The following SNTG2 variants were observed in gnomAD, a reference collection of about 807,000 sequenced individuals.
The protein encoded by SNTG2 is gamma-2-syntrophin.
Under a neutral mutation model 70.9 loss-of-function variants are expected in SNTG2, and 74 were observed. The ratio of observed to expected loss-of-function variants is 1.04; its 90% CI spans 0.86 to 1.27. The LOEUF is 1.27. SNTG2 is among the 50% of genes most tolerant of loss of function. The pLI is 0.00. For missense variants in SNTG2, 717 were observed against 690.7 expected (o/e 1.04, Z -0.43); for synonymous variants, 278 against 273.8 (o/e 1.02, Z -0.15).
chr2:1,018,442 T>C (rs920163577), intron 1 of SNTG2, among the ~76,000 whole-genome samples: 2 of 152,164 alleles, frequency 1.3e-5, no homozygotes, highest in African/African-American at 4.8e-5. Context: ...GAATCCCTGC[T>C]TTAGTGTTCA....
intron 1 of SNTG2, among the ~76,000 whole-genome samples, chr2:965,629 G>A (rs1572171531): frequency 6.6e-6 from 1 of 152,056 alleles, no homozygotes; most frequent in East Asian, 2.0e-4. Flanking sequence ...CGTCCTTTGG[G>A]CTGCCCTCGG....
intron 13 of SNTG2, 55 bp from the exon 14 acceptor site, chr2:1,267,310 G>A (rs1006123929): frequency 2.0e-6 from 3 of 1,506,106 alleles, no homozygotes; most frequent in African/African-American, 2.8e-5. Context: ...AGGGCCCTCA[G>A]CATGGGAATG....
At chr2:1,172,120 A>G (rs929584881) in intron 7 of SNTG2, among the ~76,000 whole-genome samples, 1 of 152,202 alleles carries the variant, frequency 6.6e-6, no homozygotes, top group African/African-American at 2.4e-5. Context: ...CCATTCTGCA[A>G]CAGCACCATG....
At chr2:1,178,052 T>G (rs959051692) in intron 8 of SNTG2, among the ~76,000 whole-genome samples, 37 of 152,138 alleles carry the variant, frequency 2.4e-4, no homozygotes, top group African/African-American at 8.4e-4. Context: ...GAAAAATACA[T>G]AGATGAAAAT....
intron 16 of SNTG2, among the ~76,000 whole-genome samples, chr2:1,327,939 A>C (rs1286764952): frequency 6.6e-6 from 1 of 152,202 alleles, no homozygotes; most frequent in Non-Finnish European, 1.5e-5. Flanking sequence ...TACTTAGTTT[A>C]TGCTTCTGCA....
At chr2:1,356,982 C>T (rs1277858015) in intron 16 of SNTG2, among the ~76,000 whole-genome samples, 11 of 151,218 alleles carry the variant, frequency 7.3e-5, no homozygotes, top group East Asian at 1.9e-4. Context: ...GTTGTTAGTG[C>T]GTAGAAATGC....
At chr2:1,325,156 A>G (rs1681708314) in intron 16 of SNTG2, among the ~76,000 whole-genome samples, 1 of 152,240 alleles carries the variant, frequency 6.6e-6, no homozygotes, top group African/African-American at 2.4e-5. Flanking sequence ...AAGCCTTGAT[A>G]AAATGACCAG....
chr2:1,156,289 C>T (rs1490763237), intron 6 of SNTG2, among the ~76,000 whole-genome samples: 2 of 152,032 alleles, frequency 1.3e-5, no homozygotes, highest in Admixed American at 6.6e-5. Flanking sequence ...TTAGATAGAT[C>T]GAGGGCAGCT....
At chr2:1,025,504 C>G (rs1056476269) in intron 1 of SNTG2, among the ~76,000 whole-genome samples, 1 of 152,150 alleles carries the variant, frequency 6.6e-6, no homozygotes, top group African/African-American at 2.4e-5. Flanking sequence ...AAATGGGTTG[C>G]ACTAGGCTAA....
intron 1 of SNTG2, among the ~76,000 whole-genome samples, chr2:1,051,548 G>A (rs1423348563): frequency 6.6e-6 from 1 of 152,174 alleles, no homozygotes; most frequent in Non-Finnish European, 1.5e-5. Context: ...ACTCGGGGCA[G>A]CTTCTGTTGT....
intron 4 of SNTG2, among the ~76,000 whole-genome samples, chr2:1,123,336 T>C (rs1222122297): frequency 2.0e-5 from 3 of 152,202 alleles, no homozygotes; most frequent in African/African-American, 7.2e-5. Context: ...CAAAACAGTA[T>C]GGTGTTGGTA....
At chr2:1,083,935 G>T (rs562503727) in intron 2 of SNTG2, among the ~76,000 whole-genome samples, 12 of 151,962 alleles carry the variant, frequency 7.9e-5, no homozygotes, top group Non-Finnish European at 1.5e-4. Flanking sequence ...CAGCTACTCG[G>T]AAGTCCGAGG....
chr2:1,321,413 C>T (rs1004440321), intron 16 of SNTG2, among the ~76,000 whole-genome samples: 7 of 152,140 alleles, frequency 4.6e-5, no homozygotes, highest in African/African-American at 7.2e-5. Flanking sequence ...ATGAGTCAGC[C>T]GAGTGTGCCA....
intron 1 of SNTG2, among the ~76,000 whole-genome samples, chr2:1,017,833 A>G (rs576459884): frequency 6.6e-5 from 10 of 152,332 alleles, no homozygotes; most frequent in African/African-American, 1.9e-4. Flanking sequence ...GGAATGCATC[A>G]ATAACTGTCA....
intron 9 of SNTG2, among the ~76,000 whole-genome samples, chr2:1,223,843 AGTT>A (rs1276726008): frequency 0.011 from 1,372 of 125,894 alleles, 23 homozygotes; most frequent in African/African-American, 0.034. Flanking sequence ...GGGTGACCTT[AGTT>A]CCACAGATGG....
intron 6 of SNTG2, among the ~76,000 whole-genome samples, chr2:1,153,060 G>T (rs1448293883): frequency 2.0e-5 from 3 of 151,496 alleles, no homozygotes; most frequent in Non-Finnish European, 4.4e-5. Context: ...GGAGGCGGAG[G>T]TTGCAGTGAG....
chr2:1,266,051 A>G (rs199813903), intron 13 of SNTG2, among the ~76,000 whole-genome samples: 1 of 152,146 alleles, frequency 6.6e-6, no homozygotes, highest in Non-Finnish European at 1.5e-5. Flanking sequence ...CCAGAGAGAG[A>G]CAGACAGAGA....
chr2:1,001,509 C>T (rs535525116), intron 1 of SNTG2, among the ~76,000 whole-genome samples: 1 of 151,994 alleles, frequency 6.6e-6, no homozygotes. Context: ...AAGTCAATTC[C>T]ATGTACAATA....
intron 9 of SNTG2, among the ~76,000 whole-genome samples, chr2:1,219,548 A>C (rs528470715): frequency 6.6e-6 from 1 of 152,022 alleles, no homozygotes; most frequent in Non-Finnish European, 1.5e-5. Context: ...TTTTTATGCA[A>C]CTCTTTACAG....
Sources: gnomAD v4.1 joint callset for allele counts (sites outside exome capture counted in the v4.1 genomes callset) on GRCh38, gnomAD v4.1.1 for gene constraint, MANE v1.5 for transcripts, NCBI Gene and HGNC (gene_info 2026-07-23, HGNC 2026-07-21) for gene names.